The following NTRK2 variants were observed in gnomAD, a reference collection of about 807,000 sequenced individuals.
NTRK2 encodes the protein BDNF/NT-3 growth factors receptor.
In NTRK2, 13 loss-of-function variants were observed where a neutral mutation model predicts 94.5. The ratio of observed to expected loss-of-function variants is 0.14; its 90% CI spans 0.09 to 0.22. The LOEUF (loss-of-function observed/expected upper bound fraction) is 0.22. Among genes scored for constraint, NTRK2 ranks in the 10% least tolerant of loss-of-function variants. The pLI is 1.00. For synonymous variants in NTRK2, 372 were observed against 407.4 expected (o/e 0.91, Z 1.05); for missense variants, 639 against 1,071.2 (o/e 0.60, Z 5.63).
intron 8 of NTRK2, among the ~76,000 whole-genome samples, chr9:84,724,931 A>G (rs2062338106): frequency 6.6e-6 from 1 of 152,204 alleles, no homozygotes; most frequent in African/African-American, 2.4e-5. Context: ...TCTAAGTTCA[A>G]AGATATCCCT....
intron 12 of NTRK2, among the ~76,000 whole-genome samples, chr9:84,843,287 G>A (rs1390682267): frequency 2.0e-5 from 3 of 152,140 alleles, no homozygotes; most frequent in African/African-American, 7.2e-5. Flanking sequence ...CTTGTAAAGT[G>A]AATGAGGCAT....
intron 14 of NTRK2, chr9:84,874,116 GAATC>G: frequency 1.9e-6 from 2 of 1,064,918 alleles, no homozygotes; most frequent in Non-Finnish European, 2.3e-6. Context: ...CCAACAGGAT[GAATC>G]CAATCAAGCT....
intron 12 of NTRK2, among the ~76,000 whole-genome samples, chr9:84,757,495 T>C (rs1420950167): frequency 6.6e-6 from 1 of 152,218 alleles, no homozygotes; most frequent in African/African-American, 2.4e-5. Context: ...TAATAGTATT[T>C]CCCAGTTGTC....
chr9:84,676,251 C>T (rs879846183), intron 2 of NTRK2, among the ~76,000 whole-genome samples: 20 of 152,222 alleles, frequency 1.3e-4, no homozygotes, highest in Non-Finnish European at 1.9e-4. Context: ...TCCCTGAAGC[C>T]TCGGTCACGG....
chr9:84,716,072 T>C (rs1216661323), intron 6 of NTRK2, among the ~76,000 whole-genome samples: 1 of 152,178 alleles, frequency 6.6e-6, no homozygotes, highest in Non-Finnish European at 1.5e-5. Context: ...ATTTTACTAG[T>C]AACTAGTTAC....
At chr9:84,959,706 A>G in intron 17 of NTRK2, among the ~76,000 whole-genome samples, 1 of 152,238 alleles carries the variant, frequency 6.6e-6, no homozygotes, top group East Asian at 1.9e-4. Context: ...TAATTAGCAG[A>G]TCTGCAGTAC....
At chr9:84,909,380 A>C (rs1344487788) in intron 14 of NTRK2, among the ~76,000 whole-genome samples, 1 of 152,040 alleles carries the variant, frequency 6.6e-6, no homozygotes, top group Non-Finnish European at 1.5e-5. Flanking sequence ...AGGTGCTATA[A>C]ATATTTGCAT....
At chr9:84,902,903 A>T (rs1225215999) in intron 14 of NTRK2, among the ~76,000 whole-genome samples, 1 of 152,198 alleles carries the variant, frequency 6.6e-6, no homozygotes. Context: ...TGTAGCTTCC[A>T]TGAGGTCTAA....
At chr9:84,736,766 T>C (rs2063291971) in intron 9 of NTRK2, among the ~76,000 whole-genome samples, 1 of 152,174 alleles carries the variant, frequency 6.6e-6, no homozygotes, top group Non-Finnish European at 1.5e-5. Flanking sequence ...CCAATGCTAT[T>C]ATCCTCTCCT....
intron 14 of NTRK2, among the ~76,000 whole-genome samples, chr9:84,905,182 G>A (rs2077035307): frequency 6.6e-6 from 1 of 152,090 alleles, no homozygotes; most frequent in Non-Finnish European, 1.5e-5. Flanking sequence ...CCTCTGAAGG[G>A]GAAGAAAGAC....
At chr9:85,017,904 A>G (rs1439401620) in intron 17 of NTRK2, among the ~76,000 whole-genome samples, 1 of 152,266 alleles carries the variant, frequency 6.6e-6, no homozygotes, top group African/African-American at 2.4e-5. Context: ...ATGAACAATG[A>G]TGAAATGAGC....
chr9:84,879,920 T>C (rs1209041495), intron 14 of NTRK2, among the ~76,000 whole-genome samples: 2 of 152,216 alleles, frequency 1.3e-5, no homozygotes, highest in Admixed American at 6.5e-5. Context: ...AGGCCATCTA[T>C]GGTACAATGA....
At chr9:84,850,592 G>A (rs943027777) in intron 12 of NTRK2, among the ~76,000 whole-genome samples, 3 of 152,228 alleles carry the variant, frequency 2.0e-5, no homozygotes, top group Middle Eastern at 3.4e-3. Flanking sequence ...ACCTCAAGAC[G>A]GTCCAATCAG....
intron 12 of NTRK2, chr9:84,814,891 G>C: frequency 9.4e-7 from 1 of 1,061,812 alleles, no homozygotes; most frequent in Non-Finnish European, 1.1e-6. Context: ...AATTAGTACA[G>C]AAGTAACCAC....
intron 12 of NTRK2, among the ~76,000 whole-genome samples, chr9:84,834,456 C>G (rs2073752833): frequency 6.6e-6 from 1 of 152,090 alleles, no homozygotes; most frequent in African/African-American, 2.4e-5. Flanking sequence ...TGTTAGTCCC[C>G]CTTTCTTAAG....
intron 17 of NTRK2, among the ~76,000 whole-genome samples, chr9:84,966,549 A>C (rs1004686643): frequency 1.3e-5 from 2 of 152,120 alleles, no homozygotes; most frequent in Admixed American, 1.3e-4. Context: ...CTCCTGCCTC[A>C]GCCTCCCGAG....
At chr9:84,670,084 C>G (rs1237480649) in intron 1 of NTRK2, among the ~76,000 whole-genome samples, 196 bp downstream of exon 1, 1 of 152,112 alleles carries the variant, frequency 6.6e-6, no homozygotes, top group African/African-American at 2.4e-5. Flanking sequence ...CCGCATTCCC[C>G]TTTAAAGGGT....
intron 12 of NTRK2, among the ~76,000 whole-genome samples, chr9:84,791,251 T>A (rs192176775): frequency 2.1e-4 from 32 of 152,304 alleles, no homozygotes; most frequent in African/African-American, 7.5e-4. Context: ...GTCCTCTCAT[T>A]ACTTGAGGAC....
At chr9:84,993,737 T>C (rs1353119980) in intron 17 of NTRK2, among the ~76,000 whole-genome samples, 1 of 152,196 alleles carries the variant, frequency 6.6e-6, no homozygotes, top group African/African-American at 2.4e-5. Flanking sequence ...CTTGTGAATC[T>C]CCCATTGTTT....
Sources: allele counts gnomAD v4.1 joint callset (sites outside exome capture counted in the v4.1 genomes callset), GRCh38; gene constraint gnomAD v4.1.1; transcripts MANE v1.5; gene names NCBI Gene and HGNC (gene_info 2026-07-23, HGNC 2026-07-21).